EFCAB8: variants seen among roughly 807,000 people sequenced by gnomAD.
EFCAB8 encodes the protein EF-hand calcium-binding domain-containing protein 8.
Under a neutral mutation model 116.3 loss-of-function variants are expected in EFCAB8, and 100 were observed. That is an observed-to-expected ratio of 0.86 (90% CI 0.73 to 1.02). The LOEUF is 1.02. Among genes scored for constraint, EFCAB8 ranks in the 50% least tolerant of loss-of-function variants. The probability of loss-of-function intolerance (pLI) is 0.00; values close to 1 mark genes in which losing one functional copy is unlikely to be tolerated. For missense variants in EFCAB8, 1,320 were observed against 1,416.9 expected (o/e 0.93, Z 1.10); for synonymous variants, 558 against 567.9 (o/e 0.98, Z 0.25).
chr20:32,924,549 C>T (rs1987597732), intron 20 of EFCAB8, among the ~76,000 whole-genome samples: 1 of 152,106 alleles, frequency 6.6e-6, no homozygotes, highest in African/African-American at 2.4e-5. Context: ...GAAACAGGCC[C>T]AATGAGGTGA....
Position 32,898,552 on chromosome 20 carries a change from C to T in EFCAB8, c.1017C>T (p.Val339=). ...VKFIPQMNVV[V]SCSAIEKSSL... ...TCATCCCCCAGATGAATGTGGTAGT[C>T]TCCTGTTCAGCCATCGAGAAGTCCT... Residue 339 remains valine, a synonymous_variant, in exon 11 of 27, where the codon GTC becomes GTT. Coordinates refer to ENST00000400522, the MANE Select transcript of EFCAB8 (RefSeq NM_001143967.2). The T allele has an allele frequency of 1.4e-6, 1 of 718,628 alleles. No individual in the cohort carries two copies. 44.5% of individuals were successfully genotyped at this position (718,628 alleles called of 1,614,324 possible).
At position 32,961,714 on chromosome 20, in the gene EFCAB8, C is replaced by T. The variant is rs1262744420; in HGVS notation, c.*105C>T. ...ACCAGACCCAGAGGATGTGGCTCTTCCCCCGGCCACCCCACTGGGCCTCTC... is the reference window on the plus strand; with the variant it reads ...ACCAGACCCAGAGGATGTGGCTCTTTCCCCGGCCACCCCACTGGGCCTCTC... On this transcript the variant is annotated 3_prime_UTR_variant, in exon 27 of 27. Coordinates refer to ENST00000400522, the MANE Select transcript of EFCAB8 (RefSeq NM_001143967.2). 5 of 627,598 alleles carry T rather than the reference C, an allele frequency of 8.0e-6. No individual in the cohort carries two copies. In the East Asian group the frequency reaches 1.3e-4, roughly 17 times the overall value. The allele number at this position is 627,598 out of a possible 1,614,324, so 38.9% of individuals were successfully genotyped here. A position where few individuals can be genotyped will look rare whatever the true frequency, so the allele number is the denominator to read the frequency against.
intron 4 of EFCAB8, 68 bp downstream of exon 4, chr20:32,876,112 G>C (rs1055195353): frequency 1.5e-6 from 2 of 1,359,276 alleles, no homozygotes; most frequent in Non-Finnish European, 2.0e-6. Flanking sequence ...TTGACCAGTT[G>C]GTGGGGCTGA....
chr20:32,893,887 A>G (rs1986037275), intron 9 of EFCAB8, among the ~76,000 whole-genome samples: 1 of 152,140 alleles, frequency 6.6e-6, no homozygotes, highest in African/African-American at 2.4e-5. Context: ...GCAGCCCATA[A>G]TAAGAGGCAG....
At chr20:32,897,079 C>A (rs1986195197) in intron 10 of EFCAB8, among the ~76,000 whole-genome samples, 3 of 152,156 alleles carry the variant, frequency 2.0e-5, no homozygotes, top group Admixed American at 6.5e-5. Flanking sequence ...CTCTGTGCCT[C>A]GGCATGTGCT....
intron 4 of EFCAB8, among the ~76,000 whole-genome samples, chr20:32,877,835 A>G (rs1600373592): frequency 6.6e-6 from 1 of 152,150 alleles, no homozygotes; most frequent in Admixed American, 6.5e-5. Flanking sequence ...TTTATTATCC[A>G]TAGGGGAGAG....
intron 6 of EFCAB8, 29 bp downstream of exon 6, chr20:32,885,669 A>G (rs1205789931): frequency 1.9e-6 from 3 of 1,550,414 alleles, no homozygotes; most frequent in East Asian, 2.4e-5. Flanking sequence ...CATGGTGCAC[A>G]CATGGGTGAT....
At chr20:32,886,386 C>G (rs184600553) in intron 6 of EFCAB8, among the ~76,000 whole-genome samples, 25 of 152,146 alleles carry the variant, frequency 1.6e-4, no homozygotes, top group Non-Finnish European at 3.1e-4. Context: ...TCGCCAGGGC[C>G]GTCCAGAATC....
At chr20:32,942,654 T>G (rs925561043) in intron 22 of EFCAB8, among the ~76,000 whole-genome samples, 1 of 152,244 alleles carries the variant, frequency 6.6e-6, no homozygotes, top group African/African-American at 2.4e-5. Flanking sequence ...AATATATTTT[T>G]TGGTGTTCAA....
chr20:32,889,219 G>C, intron 6 of EFCAB8, 82 bp from the exon 7 acceptor site: 2 of 1,236,818 alleles, frequency 1.6e-6, no homozygotes, highest in Non-Finnish European at 2.3e-6. Flanking sequence ...TCCAGGCCTT[G>C]TGTGGCAGGA....
At chr20:32,939,335 T>G (rs942368338) in intron 22 of EFCAB8, among the ~76,000 whole-genome samples, 1 of 142,820 alleles carries the variant, frequency 7.0e-6, no homozygotes, top group Non-Finnish European at 1.5e-5. Context: ...CAGGCTGGAG[T>G]GCAGTGGTGC....
intron 7 of EFCAB8, among the ~76,000 whole-genome samples, chr20:32,890,739 G>A (rs745717520): frequency 2.0e-5 from 3 of 152,228 alleles, no homozygotes; most frequent in Non-Finnish European, 4.4e-5. Flanking sequence ...TGGGTTCAGG[G>A]CCTGGTCCCA....
chr20:32,908,932 G>A (rs1986800283), intron 14 of EFCAB8, among the ~76,000 whole-genome samples: 1 of 152,208 alleles, frequency 6.6e-6, no homozygotes, highest in Admixed American at 6.5e-5. Context: ...TGTGAGGTCT[G>A]TCCTGACCCT....
At chr20:32,936,178 G>A (rs1239403481) in intron 22 of EFCAB8, among the ~76,000 whole-genome samples, 2 of 151,950 alleles carry the variant, frequency 1.3e-5, no homozygotes, top group Non-Finnish European at 2.9e-5. Flanking sequence ...GATTATAGGC[G>A]TGTGCCACCA....
At chr20:32,902,603 T>C (rs1986478925) in intron 11 of EFCAB8, among the ~76,000 whole-genome samples, 1 of 152,212 alleles carries the variant, frequency 6.6e-6, no homozygotes, top group African/African-American at 2.4e-5. Flanking sequence ...AAAAATTAGC[T>C]GGGAGTGTTG....
chr20:32,892,283 G>C lies in EFCAB8; in HGVS notation c.744G>C (p.Leu248=). The C allele has an allele frequency of 7.1e-6, 11 of 1,551,590 alleles. No homozygotes were observed. The highest frequency in any genetic ancestry group is 9.6e-6 in the Non-Finnish European group (11 of 1,146,988). Residue 248 remains leucine (L), a synonymous_variant, in exon 8 of 27, where the codon CTG becomes CTC. Coordinates refer to ENST00000400522, the MANE Select transcript of EFCAB8 (RefSeq NM_001143967.2). ...FTFVDLDSCA[L]VMDYWSDYHR... ...TTGTTGATCTGGACAGCTGTGCTCTGGTCATGGACTACTGGTGAGTCTCCA... is the reference window on the plus strand; with the variant it reads ...TTGTTGATCTGGACAGCTGTGCTCTCGTCATGGACTACTGGTGAGTCTCCA...
chr20:32,884,124 C>T (rs909572320), intron 5 of EFCAB8, among the ~76,000 whole-genome samples: 2 of 152,172 alleles, frequency 1.3e-5, no homozygotes, highest in Admixed American at 1.3e-4. Context: ...CCTATATTCT[C>T]CTATTTATTT....
chr20:32,929,077 T>C (rs984288872), intron 20 of EFCAB8, among the ~76,000 whole-genome samples: 1 of 152,084 alleles, frequency 6.6e-6, no homozygotes, highest in Non-Finnish European at 1.5e-5. Context: ...CTGAATGCAG[T>C]TTGCTAATTT....
chr20:32,951,132 AT>A (rs1988785100), intron 23 of EFCAB8, among the ~76,000 whole-genome samples: 3 of 152,236 alleles, frequency 2.0e-5, no homozygotes, highest in Admixed American at 2.0e-4. Context: ...TTTGGAAAGC[AT>A]TTTGGCAGTT....
Sources: gnomAD v4.1 joint callset for allele counts (sites outside exome capture counted in the v4.1 genomes callset) on GRCh38, gnomAD v4.1.1 for gene constraint, MANE v1.5 for transcripts, NCBI Gene and HGNC (gene_info 2026-07-23, HGNC 2026-07-21) for gene names.